DMXL2: variants seen among roughly 807,000 people sequenced by gnomAD.
The protein encoded by DMXL2 is dmX-like protein 2.
DMXL2 carries 103 observed loss-of-function variants against 331.1 expected under a neutral mutation model. That is an observed-to-expected ratio of 0.31 (90% CI 0.27 to 0.37). The LOEUF (loss-of-function observed/expected upper bound fraction) is 0.37. Among genes scored for constraint, DMXL2 ranks in the 10% least tolerant of loss-of-function variants. The pLI is 1.00. For missense variants in DMXL2, 3,171 were observed against 3,642.9 expected (o/e 0.87, Z 3.33); for synonymous variants, 1,281 against 1,252.1 (o/e 1.02, Z -0.49).
Position 51,537,705 on chromosome 15 carries a change from T to A in DMXL2, c.1400A>T (p.Asp467Val), listed in dbSNP as rs757917842. The change falls in exon 11 of 44, where the codon GAT becomes GTT. Residue 467 changes from aspartate (D) to valine (V), a missense_variant. This residue lies in a region of DMXL2 where 1,674 missense variants were observed against 1,780.2 expected (regional missense o/e 0.94). Coordinates refer to ENST00000560891, the MANE Select transcript of DMXL2 (RefSeq NM_001378457.1). ...TCTAGGACTTCCTTCTCTTTCTCCA[T>A]CTTCATGTTCTGATGATCCTGTACC... is the stretch of plus-strand genomic sequence containing the variant. ...EAGTGSSEHE[D>V]GEREGSPRTY... 1 of 1,613,830 alleles carries A rather than the reference T, an allele frequency of 6.2e-7. No individual in the cohort carries two copies. Among genetic ancestry groups the A allele is most frequent in the Non-Finnish European group, 8.5e-7 (1 of 1,179,816 alleles).
chr15:51,457,871 A>G (rs1346748251), intron 36 of DMXL2: 1 of 169,788 alleles, frequency 5.9e-6, no homozygotes, highest in Non-Finnish European at 1.3e-5. Flanking sequence ...ATCATAGTAC[A>G]TGGTTATATC....
chr15:51,457,530 A>G, intron 36 of DMXL2, 64 bp from the exon 37 acceptor site: 3 of 1,568,182 alleles, frequency 1.9e-6, no homozygotes, highest in Non-Finnish European at 2.6e-6. Flanking sequence ...ATTCCAACTA[A>G]AAATCTTCTT....
chr15:51,540,749 A>G lies in DMXL2; in HGVS notation c.1105+1584T>C, dbSNP rs74013288. ...ATTTACATGCAGTAACTAAAAATGC[A>G]TGATGTTAAACATTTTTAACAAAAT... On this transcript the variant is annotated intron_variant, in intron 9 of 43. Transcript: ENST00000560891. Among the ~76,000 whole-genome samples the G allele has an allele frequency of 9.2e-3, 1,406 of 152,346 alleles. 23 individuals are homozygous for G. Among genetic ancestry groups the G allele is most frequent in the African/African-American group, 0.032 (1,328 of 41,582 alleles).
At chr15:51,602,679 A>G (rs568231468) in intron 1 of DMXL2, among the ~76,000 whole-genome samples, 50 of 152,318 alleles carry the variant, frequency 3.3e-4, no homozygotes, top group Admixed American at 2.9e-3. Context: ...CATACTGGCC[A>G]CTCAGTGGCA....
At chr15:51,514,380 A>G (rs1027272043) in intron 15 of DMXL2, 62 bp downstream of exon 15, 2 of 982,454 alleles carry the variant, frequency 2.0e-6, no homozygotes, top group Non-Finnish European at 3.1e-6. Flanking sequence ...ATACTCAGTG[A>G]AAACTTAGAG....
rs200686747 is a variant in DMXL2 at position 51,480,134 on chromosome 15, A to G, written c.6570T>C (p.Thr2190=). ...KFLLQESQQE[T]TVKQLQSPLP... The stretch of plus-strand genomic sequence containing the variant: ...GTGGAGACTGGAGCTGCTTTACTGT[A>G]GTTTCCTGTGGGTGATAGTGAATTA... The change falls in exon 25 of 44, where the codon ACT becomes ACC. Residue 2190 remains threonine, a synonymous_variant. Coordinates refer to ENST00000560891, the MANE Select transcript of DMXL2 (RefSeq NM_001378457.1). 5 of 1,536,630 alleles carry G rather than the reference A, an allele frequency of 3.3e-6. No homozygotes were observed. Among genetic ancestry groups the G allele is most frequent in the Non-Finnish European group, 4.4e-6 (5 of 1,133,850 alleles).
chr15:51,481,510 C>A lies in DMXL2; in HGVS notation c.5596G>T (p.Gly1866Cys). ...ASPEGTLATLGLKTEKNFVDK... is the reference protein window; with the variant it reads ...ASPEGTLATLCLKTEKNFVDK... ...ACAAAGTTCTTCTCAGTTTTGAGACCTAAGGTTGCCAAAGTTCCTTCAGGG... is the reference window on the plus strand; with the variant it reads ...ACAAAGTTCTTCTCAGTTTTGAGACATAAGGTTGCCAAAGTTCCTTCAGGG... Residue 1866 changes from glycine (G) to cysteine (C), a missense_variant, in exon 24 of 44, where the codon GGT becomes TGT. Physicochemically the swap from Gly to Cys is radical, Grantham distance 159. This residue lies in a region of DMXL2 where 244 missense variants were observed against 251.4 expected (regional missense o/e 0.97). Transcript: ENST00000560891. 6.2e-7 allele frequency: 1 copy of A among 1,613,570 alleles called. No homozygotes were observed. Among genetic ancestry groups the A allele is most frequent in the African/African-American group, 1.3e-5 (1 of 74,956 alleles).
chr15:51,479,350 G>A (rs1241835578), intron 25 of DMXL2, among the ~76,000 whole-genome samples: 1 of 152,192 alleles, frequency 6.6e-6, no homozygotes, highest in Non-Finnish European at 1.5e-5. Flanking sequence ...CACTCAGGCT[G>A]GGACAGTGAA....
intron 15 of DMXL2, among the ~76,000 whole-genome samples, chr15:51,510,411 T>A (rs1283568439): frequency 6.6e-6 from 1 of 152,006 alleles, no homozygotes; most frequent in Non-Finnish European, 1.5e-5. Context: ...TATACACCAA[T>A]AACAGACAGA....
At chr15:51,556,291 C>T (rs1289842274) in intron 6 of DMXL2, among the ~76,000 whole-genome samples, 3 of 145,730 alleles carry the variant, frequency 2.1e-5, no homozygotes, top group African/African-American at 7.7e-5. Context: ...TGCAGTGAGC[C>T]GAGATCGCGC....
In DMXL2 at chr15:51,449,173, A is replaced by G. The variant is rs2038914231; in HGVS notation, c.8988T>C (p.His2996=). The G allele has an allele frequency of 1.2e-6, 2 of 1,614,176 alleles. No individual in the cohort carries two copies. The highest frequency in any genetic ancestry group is 1.7e-5 in the Admixed American group (1 of 60,028). The change falls in exon 44 of 44, where the codon CAT becomes CAC. Residue 2996 remains histidine, a synonymous_variant. Transcript: ENST00000560891. ...CACTTTTAAATGAATGAATTAGGCCATGGCCTGTCAATCTCCAAACCTAGT... is the reference window on the plus strand; with the variant it reads ...CACTTTTAAATGAATGAATTAGGCCGTGGCCTGTCAATCTCCAAACCTAGT... ...GNIKVWRLTG[H]GLIHSFKSEH...
chr15:51,457,557 ATCTT>A, intron 36 of DMXL2, 91 bp from the exon 37 acceptor site: 1 of 1,431,596 alleles, frequency 7.0e-7, no homozygotes, highest in Non-Finnish European at 9.5e-7. Flanking sequence ...CCATAGGACA[ATCTT>A]TATTTTAAAA....
At chr15:51,466,542 T>G (rs77215099) in intron 29 of DMXL2, 1,867 of 158,096 alleles carry the variant, frequency 0.012, 31 homozygotes, top group East Asian at 0.03. Context: ...AAAACTCTCA[T>G]ATTCAATAAC....
At chr15:51,456,649 G>A (rs778826995) in intron 37 of DMXL2, among the ~76,000 whole-genome samples, 12 of 152,102 alleles carry the variant, frequency 7.9e-5, no homozygotes, top group South Asian at 6.2e-4. Flanking sequence ...GGATATTCAG[G>A]AGCACCTCCA....
At chr15:51,591,193 C>T (rs1011967791) in intron 1 of DMXL2, among the ~76,000 whole-genome samples, 9 of 152,214 alleles carry the variant, frequency 5.9e-5, no homozygotes, top group Admixed American at 1.3e-4. Flanking sequence ...TCAAAGAAAG[C>T]GGTGACAGAC....
At chr15:51,491,776 G>A in intron 19 of DMXL2, 29 bp from the exon 20 acceptor site, 3 of 1,561,638 alleles carry the variant, frequency 1.9e-6, no homozygotes, top group Non-Finnish European at 2.6e-6. Flanking sequence ...ATAATAATCT[G>A]CGTAACTGTA....
At chr15:51,478,986 T>TA (rs2041807645) in intron 25 of DMXL2, among the ~76,000 whole-genome samples, 1 of 152,144 alleles carries the variant, frequency 6.6e-6, no homozygotes. Context: ...ACAAAATCTT[T>TA]AAATTTGAAG....
intron 1 of DMXL2, among the ~76,000 whole-genome samples, chr15:51,609,587 G>A (rs886620431): frequency 1.3e-5 from 2 of 152,110 alleles, no homozygotes; most frequent in African/African-American, 4.8e-5. Context: ...TTGTAGCCTG[G>A]GAGCAACAGG....
intron 1 of DMXL2, among the ~76,000 whole-genome samples, chr15:51,611,585 T>A (rs1016918112): frequency 6.6e-6 from 1 of 152,186 alleles, no homozygotes; most frequent in South Asian, 2.1e-4. Flanking sequence ...ACTTTTTACA[T>A]CTTGCGGGGT....
Sources: allele counts gnomAD v4.1 joint callset (sites outside exome capture counted in the v4.1 genomes callset), GRCh38; gene constraint gnomAD v4.1.1; regional missense constraint gnomAD v4.1.1; transcripts MANE v1.5; gene names NCBI Gene and HGNC (gene_info 2026-07-23, HGNC 2026-07-21).